The following SEPTIN11 variants were observed in gnomAD, a reference collection of about 807,000 sequenced individuals.
SEPTIN11 encodes the protein septin-11.
In SEPTIN11, 25 loss-of-function variants were observed where a neutral mutation model predicts 51.4. The observed-to-expected ratio is 0.49, with a 90% CI of 0.35 to 0.68. The LOEUF (loss-of-function observed/expected upper bound fraction) is 0.68, where lower values mean the gene tolerates loss of function less well. SEPTIN11 is among the 30% of genes least tolerant of loss of function. The pLI, the probability that SEPTIN11 is intolerant of heterozygous loss-of-function variation, is 0.00. For synonymous variants in SEPTIN11, 174 were observed against 184.1 expected (o/e 0.95, Z 0.44); for missense variants, 381 against 520.8 (o/e 0.73, Z 2.61).
In SEPTIN11 at chr4:77,036,324, A is replaced by C; in HGVS notation, c.*1812A>C. ...TCTGGAGCTAACTGTGGAGCAGCCA[A>C]ATAGTAGCTGGCATGTTGATTCAAA... On this transcript the variant is annotated 3_prime_UTR_variant, in exon 10 of 10. Transcript: ENST00000264893. The C allele has an allele frequency of 9.7e-7, 1 of 1,034,820 alleles. No individual in the cohort carries two copies. The highest frequency in any genetic ancestry group is 1.2e-6 in the Non-Finnish European group (1 of 860,604). The allele number at this position is 1,034,820 out of a possible 1,614,324, so 64.1% of individuals were successfully genotyped here.
chr4:77,034,428 C>T, intron 9 of SEPTIN11, 69 bp from the exon 10 acceptor site: 1 of 1,321,818 alleles, frequency 7.6e-7, no homozygotes, highest in Non-Finnish European at 1.0e-6. Flanking sequence ...GGTGCTGTCG[C>T]TCCTAATTTT....
chr4:76,960,335 A>T (rs567291830), intron 1 of SEPTIN11, among the ~76,000 whole-genome samples: 1 of 152,332 alleles, frequency 6.6e-6, no homozygotes, highest in East Asian at 1.9e-4. Flanking sequence ...GGATTGTCTG[A>T]AGTTGAAGCA....
intron 1 of SEPTIN11, among the ~76,000 whole-genome samples, chr4:76,991,730 G>A (rs1723389371): frequency 6.6e-6 from 1 of 152,106 alleles, no homozygotes; most frequent in Admixed American, 6.5e-5. Context: ...CCATGGTATT[G>A]ATGACTTTTA....
intron 1 of SEPTIN11, among the ~76,000 whole-genome samples, chr4:76,965,056 T>C (rs111946832): frequency 1.3e-4 from 20 of 152,298 alleles, no homozygotes; most frequent in African/African-American, 4.3e-4. Context: ...TGACAGATTC[T>C]TATGACCTCT....
In SEPTIN11 at chr4:77,014,986, A is replaced by G. The variant is rs1035535345; in HGVS notation, c.656A>G (p.Glu219Gly). The G allele has an allele frequency of 1.2e-6, 2 of 1,613,946 alleles. No individual in the cohort carries two copies. The highest frequency in any genetic ancestry group is 1.7e-6 in the Non-Finnish European group (2 of 1,179,966). Residue 219 changes from glutamate to glycine, a missense_variant, in exon 5 of 10, where the codon GAA (glutamate) becomes GGA (glycine). By Grantham distance (98) the Glu-to-Gly change is moderately conservative (BLOSUM62 -2). Transcript: ENST00000264893. ...VQIYQFPTDE[E>G]TVAEINATMS... ...ATATATCAGTTTCCCACTGATGAAG[A>G]AACGGTGGCAGAGATTAACGCAACA...
At chr4:76,987,140 T>C (rs1264962167) in intron 1 of SEPTIN11, among the ~76,000 whole-genome samples, 2 of 152,220 alleles carry the variant, frequency 1.3e-5, no homozygotes, top group Non-Finnish European at 2.9e-5. Flanking sequence ...TCTGAGCTTA[T>C]CTACCTGGCT....
chr4:77,017,442 T>G (rs965972685), intron 5 of SEPTIN11, among the ~76,000 whole-genome samples: 1 of 152,224 alleles, frequency 6.6e-6, no homozygotes, highest in Admixed American at 6.5e-5. Flanking sequence ...GAAATTTCCT[T>G]GGTCATTACA....
intron 1 of SEPTIN11, among the ~76,000 whole-genome samples, chr4:76,957,233 A>T (rs1025239400): frequency 6.6e-6 from 1 of 151,988 alleles, no homozygotes; most frequent in African/African-American, 2.4e-5. Context: ...CAGCTGCTTG[A>T]CAGAATGATT....
chr4:77,001,856 A>G lies in SEPTIN11; in HGVS notation c.143-3745A>G, dbSNP rs144810035. Among the ~76,000 whole-genome samples the G allele has an allele frequency of 2.6e-3, 389 of 152,316 alleles. 2 individuals are homozygous for G. The highest frequency in any genetic ancestry group is 9.0e-3 in the African/African-American group (373 of 41,566). On this transcript the variant is annotated intron_variant, in intron 2 of 9. Coordinates refer to ENST00000264893, the MANE Select transcript of SEPTIN11 (RefSeq NM_018243.4). Reference sequence around the variant, plus strand: ...AAAATATAGATGAGATTCCGCTTACAAAGATTAGAGAGAAGCCTCAAAAAC... The same window carrying G: ...AAAATATAGATGAGATTCCGCTTACGAAGATTAGAGAGAAGCCTCAAAAAC...
intron 7 of SEPTIN11, among the ~76,000 whole-genome samples, chr4:77,026,907 ATAGATCT>A (rs1250298364): frequency 6.6e-6 from 1 of 152,186 alleles, no homozygotes; most frequent in African/African-American, 2.4e-5. Context: ...CTCCATTGCT[ATAGATCT>A]TAAACTTGAA....
chr4:76,968,980 G>A (rs565185936), intron 1 of SEPTIN11, among the ~76,000 whole-genome samples: 1 of 152,256 alleles, frequency 6.6e-6, no homozygotes, highest in African/African-American at 2.4e-5. Context: ...TTTTTATTGA[G>A]AAATATGGAG....
At position 77,003,341 on chromosome 4, in the gene SEPTIN11, G is replaced by A. The variant is rs144131668; in HGVS notation, c.143-2260G>A. 3.6e-3 allele frequency among the ~76,000 whole-genome samples: 548 copies of A among 152,312 alleles called. 4 individuals carry two copies. The highest frequency in any genetic ancestry group is 0.013 in the African/African-American group (528 of 41,576). On this transcript the variant is annotated intron_variant, in intron 2 of 9. Coordinates refer to ENST00000264893, the MANE Select transcript of SEPTIN11 (RefSeq NM_018243.4). ...GGATGGTCTTGCTTATAAGAGGAAA[G>A]CGGTTATGACAAACACTTAGAATGG...
intron 7 of SEPTIN11, among the ~76,000 whole-genome samples, chr4:77,026,389 A>G (rs956525118): frequency 1.3e-5 from 2 of 152,166 alleles, no homozygotes; most frequent in African/African-American, 4.8e-5. Context: ...GTTGCATCAA[A>G]TGACCTGGGA....
chr4:76,995,959 A>G (rs953670108), intron 1 of SEPTIN11: 1 of 1,534,052 alleles, frequency 6.5e-7, no homozygotes, highest in African/African-American at 1.4e-5. Flanking sequence ...CATTGTCATC[A>G]TTGTAAGGAG....
In SEPTIN11 at chr4:77,034,538, G is replaced by A; in HGVS notation, c.*26G>A. ...AGCCTGGCAAGCCAAGGATGTTCCC[G>A]CATTCACCTGCTTTTGCAGTAATAT... is the stretch of plus-strand genomic sequence containing the variant. On this transcript the variant is annotated 3_prime_UTR_variant, in exon 10 of 10. Transcript: ENST00000264893. 2.6e-6 allele frequency: 4 copies of A among 1,548,900 alleles called. No individual in the cohort carries two copies. Among genetic ancestry groups the A allele is most frequent in the Admixed American group, 2.0e-5 (1 of 49,480 alleles).
chr4:76,983,527 C>T (rs1722874714), intron 1 of SEPTIN11, among the ~76,000 whole-genome samples: 1 of 152,192 alleles, frequency 6.6e-6, no homozygotes, highest in Admixed American at 6.5e-5. Context: ...GGCAGAAAGT[C>T]CAGCTACACC....
Position 77,034,944 on chromosome 4 carries a change from A to G in SEPTIN11, c.*432A>G. On this transcript the variant is annotated 3_prime_UTR_variant, in exon 10 of 10. Transcript: ENST00000264893. ...ATTTTCTTGATGATTCATCTCCATGAGTGCACAATCCCTGAACTCACTGTC... is the reference window on the plus strand; with the variant it reads ...ATTTTCTTGATGATTCATCTCCATGGGTGCACAATCCCTGAACTCACTGTC... 1 of 988,620 alleles carries G rather than the reference A, an allele frequency of 1.0e-6. No individual in the cohort carries two copies. The highest frequency in any genetic ancestry group is 1.2e-6 in the Non-Finnish European group (1 of 831,940). The allele number at this position is 988,620 out of a possible 1,614,324, so 61.2% of individuals were successfully genotyped here. A position where few individuals can be genotyped will look rare whatever the true frequency, so the allele number is the denominator to read the frequency against.
At chr4:77,006,640 C>A (rs1465087880) in intron 3 of SEPTIN11, among the ~76,000 whole-genome samples, 1 of 152,192 alleles carries the variant, frequency 6.6e-6, no homozygotes, top group Non-Finnish European at 1.5e-5. Flanking sequence ...TAAGTGTCTA[C>A]CTGCTTAGTG....
At chr4:76,961,669 T>C (rs978765152) in intron 1 of SEPTIN11, among the ~76,000 whole-genome samples, 2 of 152,244 alleles carry the variant, frequency 1.3e-5, no homozygotes, top group Non-Finnish European at 2.9e-5. Context: ...AAGTGTTGAC[T>C]ATCTCAGGTA....
Sources: allele counts gnomAD v4.1 joint callset (sites outside exome capture counted in the v4.1 genomes callset), GRCh38; gene constraint gnomAD v4.1.1; transcripts MANE v1.5; gene names NCBI Gene and HGNC (gene_info 2026-07-23, HGNC 2026-07-21).